RPTOR: variants seen among roughly 807,000 people sequenced by gnomAD.
The protein encoded by RPTOR is regulatory-associated protein of mTOR.
Under a neutral mutation model 169.9 loss-of-function variants are expected in RPTOR, and 21 were observed. That is an observed-to-expected ratio of 0.12 (90% CI 0.09 to 0.18). The LOEUF is 0.18. Ranked by LOEUF, RPTOR falls within the 10% of genes least tolerant of loss-of-function variation. The pLI is 1.00. For missense variants in RPTOR, 1,133 were observed against 1,855.9 expected, an observed-to-expected ratio of 0.61 and a Z score of 7.16; for synonymous variants, 732 against 753.2, an observed-to-expected ratio of 0.97 and a Z score of 0.46.
intron 6 of RPTOR, among the ~76,000 whole-genome samples, chr17:80,769,668 G>C (rs1040331865): frequency 6.6e-6 from 1 of 152,184 alleles, no homozygotes; most frequent in East Asian, 1.9e-4. Context: ...CATCACTGCT[G>C]TTGGGGTGTC....
intron 4 of RPTOR, among the ~76,000 whole-genome samples, chr17:80,712,127 T>G (rs1372932848): frequency 6.6e-6 from 1 of 152,226 alleles, no homozygotes; most frequent in Non-Finnish European, 1.5e-5. Context: ...TTGAGTTATA[T>G]ACTTCCTTCC....
chr17:80,691,905 CT>C (rs1167459687), intron 3 of RPTOR, among the ~76,000 whole-genome samples: 1 of 152,240 alleles, frequency 6.6e-6, no homozygotes, highest in Non-Finnish European at 1.5e-5. Context: ...GTATCTGCTT[CT>C]TTCCACATGG....
intron 3 of RPTOR, among the ~76,000 whole-genome samples, chr17:80,671,176 C>T (rs920257046): frequency 1.3e-5 from 2 of 152,226 alleles, no homozygotes; most frequent in African/African-American, 2.4e-5. Context: ...TGTTGCTCCA[C>T]GGGCCCCTCC....
At chr17:80,755,821 T>G (rs994793974) in intron 6 of RPTOR, among the ~76,000 whole-genome samples, 2 of 151,808 alleles carry the variant, frequency 1.3e-5, no homozygotes, top group Non-Finnish European at 2.9e-5. Flanking sequence ...TCTGCAGTGT[T>G]TCTGCTGTCC....
intron 3 of RPTOR, among the ~76,000 whole-genome samples, chr17:80,684,787 T>A (rs541886986): frequency 4.6e-5 from 7 of 152,204 alleles, no homozygotes; most frequent in African/African-American, 1.7e-4. Context: ...CAAGATAGTA[T>A]ACTAGGTATG....
chr17:80,640,957 C>T (rs925940533), intron 2 of RPTOR, among the ~76,000 whole-genome samples: 15 of 152,268 alleles, frequency 9.9e-5, no homozygotes, highest in African/African-American at 3.1e-4. Flanking sequence ...CTGAACTCAA[C>T]GCCTTCCAGC....
intron 5 of RPTOR, among the ~76,000 whole-genome samples, chr17:80,733,198 C>T (rs1191726334): frequency 6.6e-6 from 1 of 152,146 alleles, no homozygotes; most frequent in Non-Finnish European, 1.5e-5. Context: ...CATCAAAGCA[C>T]AGATACAGTA....
At chr17:80,809,841 A>T (rs1224528771) in intron 7 of RPTOR, among the ~76,000 whole-genome samples, 2 of 152,130 alleles carry the variant, frequency 1.3e-5, no homozygotes, top group Non-Finnish European at 2.9e-5. Context: ...GATCGAGACC[A>T]TCCTAGCTAA....
chr17:80,809,805 G>A (rs920449378), intron 7 of RPTOR, among the ~76,000 whole-genome samples: 4 of 152,098 alleles, frequency 2.6e-5, no homozygotes, highest in South Asian at 2.1e-4. Flanking sequence ...TTGGGAGGTC[G>A]AGGTGGGCAG....
chr17:80,940,422 C>T, intron 24 of RPTOR, 74 bp from the exon 25 acceptor site: 3 of 1,308,892 alleles, frequency 2.3e-6, no homozygotes, highest in Middle Eastern at 1.8e-4. Context: ...GGTCCTAGAA[C>T]CCATACCCCA....
At chr17:80,640,168 A>G (rs2065542037) in intron 2 of RPTOR, among the ~76,000 whole-genome samples, 1 of 149,304 alleles carries the variant, frequency 6.7e-6, no homozygotes, top group South Asian at 2.1e-4. Flanking sequence ...TTACCCACAC[A>G]CTCACTCGCC....
At position 80,646,367 on chromosome 17, in the gene RPTOR, T is replaced by C. The variant is rs1418197586; in HGVS notation, c.348+2557T>C. Reference sequence around the variant, plus strand: ...CAGGTGTGAGCGTGGGGCTGTGCCATATGCACTGGGTAATAATAGCACTTG... The same window carrying C: ...CAGGTGTGAGCGTGGGGCTGTGCCACATGCACTGGGTAATAATAGCACTTG... On this transcript the variant is annotated intron_variant, in intron 3 of 33. Coordinates refer to ENST00000306801, the MANE Select transcript of RPTOR (RefSeq NM_020761.3). The surrounding 1 kb of genome is among the most constrained non-coding windows in gnomAD (Gnocchi z 5.0). Among the ~76,000 whole-genome samples the C allele has an allele frequency of 6.6e-6, 1 of 152,172 alleles. No individual in the cohort carries two copies. Among genetic ancestry groups the C allele is most frequent in the African/African-American group, 2.4e-5 (1 of 41,424 alleles).
chr17:80,836,275 C>T (rs913420897), intron 9 of RPTOR, among the ~76,000 whole-genome samples: 2 of 152,256 alleles, frequency 1.3e-5, no homozygotes, highest in Non-Finnish European at 2.9e-5. Context: ...CTCTCTCCTT[C>T]TCGAAAGTCA....
At chr17:80,577,795 T>A (rs975011018) in intron 1 of RPTOR, among the ~76,000 whole-genome samples, 1 of 152,216 alleles carries the variant, frequency 6.6e-6, no homozygotes, top group African/African-American at 2.4e-5. Flanking sequence ...GCAGCCTTCC[T>A]GGAGGGAGAG....
At chr17:80,896,224 C>G (rs2143888161) in intron 20 of RPTOR, among the ~76,000 whole-genome samples, 1 of 152,212 alleles carries the variant, frequency 6.6e-6, no homozygotes, top group East Asian at 1.9e-4. Flanking sequence ...TATGCCACCC[C>G]AGACCCTTCA....
At chr17:80,657,180 A>G (rs554699724) in intron 3 of RPTOR, among the ~76,000 whole-genome samples, 1 of 152,320 alleles carries the variant, frequency 6.6e-6, no homozygotes, top group East Asian at 1.9e-4. Context: ...AGGGATCAGA[A>G]TGTGATTTCA....
chr17:80,684,904 A>G (rs2065925302), intron 3 of RPTOR, among the ~76,000 whole-genome samples: 1 of 152,168 alleles, frequency 6.6e-6, no homozygotes, highest in African/African-American at 2.4e-5. Flanking sequence ...ATGGCACTTC[A>G]TTACGTGAGT....
At chr17:80,699,889 C>A (rs1028164075) in intron 3 of RPTOR, among the ~76,000 whole-genome samples, 1 of 151,876 alleles carries the variant, frequency 6.6e-6, no homozygotes, top group East Asian at 1.9e-4. Flanking sequence ...CGCACAGTAC[C>A]CTGGTGCAGT....
intron 2 of RPTOR, among the ~76,000 whole-genome samples, chr17:80,638,253 A>G (rs1173517900): frequency 1.3e-5 from 2 of 152,146 alleles, no homozygotes; most frequent in Non-Finnish European, 2.9e-5. Flanking sequence ...GGGTTTTCGC[A>G]CACCAGCTGG....
Sources: allele counts gnomAD v4.1 joint callset (sites outside exome capture counted in the v4.1 genomes callset), GRCh38; gene constraint gnomAD v4.1.1; non-coding constraint Gnocchi (gnomAD v3.1); transcripts MANE v1.5; gene names NCBI Gene and HGNC (gene_info 2026-07-23, HGNC 2026-07-21).